Variants in HOMER1 observed in about 807,000 individuals in gnomAD.
The protein encoded by HOMER1 is homer scaffold protein 1, also known as homer protein homolog 1.
Under a neutral mutation model 48.9 loss-of-function variants are expected in HOMER1, and 3 were observed. The ratio of observed to expected loss-of-function variants is 0.06; its 90% CI spans 0.03 to 0.16. The LOEUF (loss-of-function observed/expected upper bound fraction) is 0.16, where lower values mean the gene tolerates loss of function less well. HOMER1 is among the 10% of genes least tolerant of loss of function. The probability of loss-of-function intolerance (pLI) is 1.00; values close to 1 mark genes in which losing one functional copy is unlikely to be tolerated. For missense variants in HOMER1, 247 were observed against 411.4 expected (o/e 0.60, Z 3.46); for synonymous variants, 134 against 146.4 (o/e 0.92, Z 0.61).
Position 79,376,176 on chromosome 5 carries a change from C to T in HOMER1, c.898G>A (p.Asp300Asn). ...KLQEVEIRNK[D>N]LEGQLSDLEQ... ...AAGTCAGACAGTTGTCCCTCCAGGT[C>T]TTTGTTCCGAATTTCTACTTCCTTC... The change falls in exon 9 of 9, where the codon GAC (aspartate) becomes AAC (asparagine). Residue 300 changes from aspartate (D) to asparagine (N), a missense_variant. Around this residue, in one of 4 missense-constraint regions of HOMER1, gnomAD observed 113 missense variants for 152.5 expected, o/e 0.74. Transcript: ENST00000334082. 1 of 1,611,458 alleles carries T rather than the reference C, an allele frequency of 6.2e-7. No homozygotes were observed. Among genetic ancestry groups the T allele is most frequent in the South Asian group, 1.1e-5 (1 of 90,408 alleles).
chr5:79,478,592 C>T (rs1209148477), intron 1 of HOMER1, among the ~76,000 whole-genome samples: 1 of 151,976 alleles, frequency 6.6e-6, no homozygotes, highest in African/African-American at 2.4e-5. Flanking sequence ...TCATTTTAAA[C>T]TCACACTTTG....
At chr5:79,382,537 A>T (rs560434432) in intron 8 of HOMER1, among the ~76,000 whole-genome samples, 1 of 152,354 alleles carries the variant, frequency 6.6e-6, no homozygotes, top group Admixed American at 6.5e-5. Context: ...CAAAACTGCT[A>T]TCCAAGCATA....
At chr5:79,483,466 T>C (rs1342660595) in intron 1 of HOMER1, among the ~76,000 whole-genome samples, 1 of 151,530 alleles carries the variant, frequency 6.6e-6, no homozygotes, top group African/African-American at 2.4e-5. Flanking sequence ...TTTTGAATGG[T>C]TAATGGTTTA....
chr5:79,433,785 T>G (rs1302603842), intron 5 of HOMER1, among the ~76,000 whole-genome samples: 1 of 152,196 alleles, frequency 6.6e-6, no homozygotes, highest in Non-Finnish European at 1.5e-5. Flanking sequence ...ACTTTGATGA[T>G]AAATACAGAT....
At chr5:79,388,331 T>C (rs1749167998) in intron 8 of HOMER1, among the ~76,000 whole-genome samples, 1 of 152,188 alleles carries the variant, frequency 6.6e-6, no homozygotes, top group Non-Finnish European at 1.5e-5. Context: ...ATCTTTCTTC[T>C]GATTGTCTCT....
At position 79,375,952 on chromosome 5, in the gene HOMER1, T is replaced by C. The variant is rs1176460702; in HGVS notation, c.*57A>G. 6.8e-6 allele frequency: 7 copies of C among 1,030,952 alleles called. No individual in the cohort carries two copies. Among genetic ancestry groups the C allele is most frequent in the African/African-American group, 3.3e-5 (2 of 60,634 alleles). 63.9% of individuals were successfully genotyped at this position (1,030,952 alleles called of 1,614,324 possible). A position where few individuals can be genotyped will look rare whatever the true frequency, so the allele number is the denominator to read the frequency against. ...CAATCTTGATGCAGAGCCTAAACAGTCCTATGAAGAGAGACAGTGTATCTT... is the reference window on the plus strand; with the variant it reads ...CAATCTTGATGCAGAGCCTAAACAGCCCTATGAAGAGAGACAGTGTATCTT... On this transcript the variant is annotated 3_prime_UTR_variant, in exon 9 of 9. Transcript: ENST00000334082.
intron 3 of HOMER1, 123 bp downstream of exon 3, chr5:79,450,867 C>T: frequency 3.3e-6 from 3 of 910,674 alleles, no homozygotes; most frequent in South Asian, 2.1e-5. Flanking sequence ...GAAGTCACTA[C>T]TGCTGTTTCG....
At chr5:79,387,365 G>C (rs1749145547) in intron 8 of HOMER1, among the ~76,000 whole-genome samples, 1 of 152,006 alleles carries the variant, frequency 6.6e-6, no homozygotes, top group South Asian at 2.1e-4. Flanking sequence ...CTAGTCTCAA[G>C]CAATCCTTCT....
chr5:79,451,890 G>A (rs1751038769), intron 2 of HOMER1, among the ~76,000 whole-genome samples: 1 of 151,936 alleles, frequency 6.6e-6, no homozygotes, highest in African/African-American at 2.4e-5. Context: ...CCATAATTGA[G>A]TTTTCTTCAA....
At chr5:79,400,120 T>C (rs1749494517) in intron 6 of HOMER1, among the ~76,000 whole-genome samples, 1 of 151,976 alleles carries the variant, frequency 6.6e-6, no homozygotes, top group African/African-American at 2.4e-5. Flanking sequence ...TATCATAAAA[T>C]TTATCATCTT....
chr5:79,408,875 GA>G (rs1200673926), intron 5 of HOMER1, among the ~76,000 whole-genome samples: 3 of 152,012 alleles, frequency 2.0e-5, no homozygotes, highest in Admixed American at 2.0e-4. Flanking sequence ...TTGAGGCCAG[GA>G]GTTTGAGAAC....
chr5:79,423,813 A>G (rs925377126), intron 5 of HOMER1, among the ~76,000 whole-genome samples: 2 of 152,096 alleles, frequency 1.3e-5, no homozygotes, highest in African/African-American at 4.8e-5. Context: ...ACTGTAGCTC[A>G]AAGAGATAAA....
At chr5:79,385,473 T>G (rs1749085197) in intron 8 of HOMER1, among the ~76,000 whole-genome samples, 1 of 152,080 alleles carries the variant, frequency 6.6e-6, no homozygotes, top group Admixed American at 6.5e-5. Flanking sequence ...AGAAGACATA[T>G]TATGGCTAAC....
In HOMER1 at chr5:79,397,582, G is replaced by A. The variant is rs1749421260; in HGVS notation, c.740C>T (p.Thr247Ile). ...TTCTTGTATTGTCTGATTTAATTCT[G>A]TCTTATGAGTATGTACTGCATTTGC... The part of the protein sequence containing the change: ...SQANAVHTHK[T>I]ELNQTIQELE... The change falls in exon 7 of 9, where the codon ACA becomes ATA. Residue 247 changes from threonine to isoleucine, a missense_variant. Thr to Ile is a moderately conservative substitution (Grantham distance 89). Transcript: ENST00000334082. 6.2e-7 allele frequency: 1 copy of A among 1,610,298 alleles called. No individual in the cohort carries two copies. Among genetic ancestry groups the A allele is most frequent in the African/African-American group, 1.3e-5 (1 of 74,750 alleles).
At chr5:79,380,784 C>T (rs932859236) in intron 8 of HOMER1, among the ~76,000 whole-genome samples, 2 of 152,112 alleles carry the variant, frequency 1.3e-5, no homozygotes, top group African/African-American at 4.8e-5. Context: ...ACACTCCTCC[C>T]AGGGGAATAA....
chr5:79,455,780 C>T (rs1265734846), intron 2 of HOMER1, among the ~76,000 whole-genome samples: 2 of 152,224 alleles, frequency 1.3e-5, no homozygotes, highest in Admixed American at 6.5e-5. Context: ...TCTTTCTACA[C>T]ACTTCAAACC....
chr5:79,394,614 G>A (rs924478714), intron 8 of HOMER1, among the ~76,000 whole-genome samples: 4 of 152,130 alleles, frequency 2.6e-5, no homozygotes, highest in African/African-American at 7.2e-5. Flanking sequence ...GTCTCATTCT[G>A]TCACCCAGGC....
chr5:79,395,657 TATG>T (rs1451491380), intron 8 of HOMER1, among the ~76,000 whole-genome samples: 1 of 152,230 alleles, frequency 6.6e-6, no homozygotes, highest in Non-Finnish European at 1.5e-5. Flanking sequence ...GAAGGATTAT[TATG>T]AAGGGGTTTA....
chr5:79,477,903 G>A lies in HOMER1; in HGVS notation c.6-20885C>T, dbSNP rs143233494. ...CCTGGTTTTATTTTCTCCTTCCTTG[G>A]TAAGAAATGTCAATAGAAGATGATG... is the stretch of plus-strand genomic sequence containing the variant. On this transcript the variant is annotated intron_variant, in intron 1 of 8. Transcript: ENST00000334082. Among the ~76,000 whole-genome samples the A allele has an allele frequency of 4.2e-3, 632 of 151,196 alleles. 5 individuals are homozygous for A. The highest frequency in any genetic ancestry group is 0.015 in the African/African-American group (598 of 41,158).
Sources: allele counts gnomAD v4.1 joint callset (sites outside exome capture counted in the v4.1 genomes callset), GRCh38; gene constraint gnomAD v4.1.1; regional missense constraint gnomAD v4.1.1; transcripts MANE v1.5; gene names NCBI Gene and HGNC (gene_info 2026-07-23, HGNC 2026-07-21).